Variants in DLC1 observed in about 807,000 individuals in gnomAD.
DLC1 encodes rho GTPase-activating protein 7.
A neutral mutation model predicts 140.3 loss-of-function variants in DLC1; 54 were observed. The observed-to-expected ratio is 0.38, with a 90% CI of 0.31 to 0.48. DLC1 has a LOEUF of 0.48. Among genes scored for constraint, DLC1 ranks in the 20% least tolerant of loss-of-function variants. DLC1 has a pLI of 0.96. For synonymous variants in DLC1, 986 were observed against 728.1 expected, an observed-to-expected ratio of 1.35 and a Z score of -5.70; for missense variants, 2,536 against 1,907.0, an observed-to-expected ratio of 1.33 and a Z score of -6.14.
intron 5 of DLC1, among the ~76,000 whole-genome samples, chr8:13,183,758 G>A (rs938222981): frequency 1.3e-5 from 2 of 152,176 alleles, no homozygotes; most frequent in African/African-American, 2.4e-5. Flanking sequence ...GTTCATCAGG[G>A]ATATTGGTCT....
intron 1 of DLC1, among the ~76,000 whole-genome samples, chr8:13,534,609 G>A (rs1199926745): frequency 2.6e-5 from 4 of 152,102 alleles, no homozygotes; most frequent in Non-Finnish European, 4.4e-5. Context: ...TGGAAGTTAA[G>A]GTACTGATCT....
rs557160938 is a variant in DLC1 at position 13,083,445 on chromosome 8, A to G, written c.*2366T>C. The G allele has an allele frequency of 2.0e-4, 31 of 152,286 alleles. No homozygotes were observed. Among genetic ancestry groups the G allele is most frequent in the African/African-American group, 7.0e-4 (29 of 41,562 alleles). 9.4% of individuals were successfully genotyped at this position (152,286 alleles called of 1,614,324 possible). ...CTGCAGGGGATTATAAAGATGTGTA[A>G]GAGACAAGCCCTGCCCTCAAAGAGC... On this transcript the variant is annotated 3_prime_UTR_variant, in exon 18 of 18. Transcript: ENST00000276297.
chr8:13,094,550 C>G (rs1160547956), intron 12 of DLC1, among the ~76,000 whole-genome samples: 2 of 152,096 alleles, frequency 1.3e-5, no homozygotes, highest in African/African-American at 4.8e-5. Context: ...CCTGTAGTCC[C>G]AGCCACTTGG....
intron 5 of DLC1, among the ~76,000 whole-genome samples, chr8:13,235,039 A>G (rs1012833150): frequency 2.0e-5 from 3 of 152,068 alleles, no homozygotes; most frequent in Non-Finnish European, 4.4e-5. Flanking sequence ...TCTTTATTAC[A>G]ATCAATTTAG....
intron 4 of DLC1, among the ~76,000 whole-genome samples, chr8:13,321,152 G>A (rs750319824): frequency 5.9e-5 from 9 of 152,104 alleles, no homozygotes; most frequent in Non-Finnish European, 4.4e-5. Flanking sequence ...CTACTACCAG[G>A]AAAGAACTTT....
chr8:13,154,625 C>G (rs1339728095), intron 5 of DLC1, among the ~76,000 whole-genome samples: 2 of 152,214 alleles, frequency 1.3e-5, no homozygotes, highest in East Asian at 1.9e-4. Flanking sequence ...CTGGTCTCAG[C>G]CAGCCCAGAG....
At chr8:13,530,900 C>T (rs528993240) in intron 1 of DLC1, among the ~76,000 whole-genome samples, 4 of 152,268 alleles carry the variant, frequency 2.6e-5, no homozygotes, top group Admixed American at 2.6e-4. Context: ...TTGCTATGAG[C>T]TAAATTGTGT....
At chr8:13,088,408 T>A in intron 16 of DLC1, 79 bp downstream of exon 16, 1 of 1,482,824 alleles carries the variant, frequency 6.7e-7, no homozygotes, top group Non-Finnish European at 9.3e-7. Flanking sequence ...TTATACCATC[T>A]TGTAAGATCA....
chr8:13,420,550 C>T (rs1048371195), intron 2 of DLC1, among the ~76,000 whole-genome samples: 1 of 152,040 alleles, frequency 6.6e-6, no homozygotes, highest in Non-Finnish European at 1.5e-5. Context: ...TAATGCTCTC[C>T]CTTCCCTTAA....
At chr8:13,395,836 TC>T (rs1837015833) in intron 3 of DLC1, among the ~76,000 whole-genome samples, 1 of 145,714 alleles carries the variant, frequency 6.9e-6, no homozygotes, top group Admixed American at 6.8e-5. Context: ...CAGGGCCATG[TC>T]TTCTTCTTCT....
chr8:13,395,686 G>C (rs556486782), intron 3 of DLC1, among the ~76,000 whole-genome samples: 3 of 152,178 alleles, frequency 2.0e-5, no homozygotes, highest in South Asian at 4.1e-4. Context: ...ATTTTCTCCA[G>C]TTGGAAGGGT....
intron 2 of DLC1, among the ~76,000 whole-genome samples, chr8:13,491,075 AATATATACATATTC>A (rs1801215643): frequency 6.8e-6 from 1 of 147,920 alleles, no homozygotes; most frequent in African/African-American, 2.5e-5. Flanking sequence ...ATTAAATCTG[AATATATACATATTC>A]AAATTTAATA....
At position 13,355,149 on chromosome 8, in the gene DLC1, G is replaced by A. The variant is rs180988272; in HGVS notation, c.1314+38404C>T. On this transcript the variant is annotated intron_variant, in intron 4 of 17. Transcript: ENST00000276297. ...ATTATTCAAATAGTCTAAATATTAC[G>A]ATCAAATTTTTAATAGACTTTGTTA... 2.5e-3 allele frequency among the ~76,000 whole-genome samples: 378 copies of A among 149,304 alleles called. 1 individual carries two copies. The highest frequency in any genetic ancestry group is 4.3e-3 in the Non-Finnish European group (290 of 67,592).
chr8:13,108,410 A>G (rs1345514718), intron 7 of DLC1, among the ~76,000 whole-genome samples: 5 of 152,238 alleles, frequency 3.3e-5, no homozygotes, highest in African/African-American at 1.2e-4. Flanking sequence ...TATGTGGCAG[A>G]GTCTGCTTCT....
intron 1 of DLC1, chr8:13,567,590 C>A (rs1427290831): frequency 6.4e-7 from 1 of 1,551,688 alleles, no homozygotes; most frequent in Non-Finnish European, 8.7e-7. Flanking sequence ...TATCAGTGTC[C>A]CTATTGTAAC....
chr8:13,577,468 C>G (rs1309474192), intron 1 of DLC1, among the ~76,000 whole-genome samples: 1 of 152,134 alleles, frequency 6.6e-6, no homozygotes, highest in Non-Finnish European at 1.5e-5. Flanking sequence ...TTCAATAATT[C>G]TCTTCAGATT....
intron 1 of DLC1, among the ~76,000 whole-genome samples, chr8:13,600,769 A>G (rs1805849353): frequency 6.6e-6 from 1 of 151,858 alleles, no homozygotes; most frequent in African/African-American, 2.4e-5. Context: ...CCTTATCTAC[A>G]GTGAAATTCC....
intron 5 of DLC1, among the ~76,000 whole-genome samples, chr8:13,169,857 T>C (rs891805208): frequency 2.8e-5 from 4 of 142,258 alleles, no homozygotes; most frequent in Non-Finnish European, 6.2e-5. Context: ...ATACCTCATC[T>C]AAAAAAAAAA....
At chr8:13,329,956 T>C (rs1335717913) in intron 4 of DLC1, among the ~76,000 whole-genome samples, 1 of 152,148 alleles carries the variant, frequency 6.6e-6, no homozygotes, top group African/African-American at 2.4e-5. Flanking sequence ...ATCCAGTGTT[T>C]ATTTTTTATT....
Sources: allele counts gnomAD v4.1 joint callset (sites outside exome capture counted in the v4.1 genomes callset), GRCh38; gene constraint gnomAD v4.1.1; transcripts MANE v1.5; gene names NCBI Gene and HGNC (gene_info 2026-07-23, HGNC 2026-07-21).